PTPN3: variants seen among roughly 807,000 people sequenced by gnomAD.
PTPN3 encodes the protein protein tyrosine phosphatase non-receptor type 3, also known as tyrosine-protein phosphatase non-receptor type 3.
A neutral mutation model predicts 132.7 loss-of-function variants in PTPN3; 96 were observed. The observed-to-expected ratio is 0.72, with a 90% CI of 0.61 to 0.86. The LOEUF (loss-of-function observed/expected upper bound fraction) is 0.86, where lower values mean the gene tolerates loss of function less well. Among genes scored for constraint, PTPN3 ranks in the 40% least tolerant of loss-of-function variants. The pLI, the probability that PTPN3 is intolerant of heterozygous loss-of-function variation, is 0.00. For synonymous variants in PTPN3, 398 were observed against 429.0 expected, an observed-to-expected ratio of 0.93 and a Z score of 0.89; for missense variants, 1,125 against 1,159.6, an observed-to-expected ratio of 0.97 and a Z score of 0.43.
chr9:109,526,483 G>T, the PTPN3 span, among the ~76,000 whole-genome samples: 11 of 151,928 alleles, frequency 7.2e-5, no homozygotes, highest in Admixed American at 7.2e-4. Context: ...GATCAGCCTG[G>T]GCAACAAAGT....
At chr9:109,414,133 C>G (rs969136450) in intron 14 of PTPN3, among the ~76,000 whole-genome samples, 1 of 152,140 alleles carries the variant, frequency 6.6e-6, no homozygotes, top group African/African-American at 2.4e-5. Flanking sequence ...GGCAAGGTAC[C>G]AAGAGGATCA....
chr9:109,383,605 G>A, intron 22 of PTPN3, 54 bp from the exon 23 acceptor site: 1 of 1,599,464 alleles, frequency 6.3e-7, no homozygotes, highest in South Asian at 1.1e-5. Flanking sequence ...GTTCCTGCAA[G>A]CAGTTAACCC....
the PTPN3 span, among the ~76,000 whole-genome samples, chr9:109,509,955 C>T: frequency 2.0e-5 from 3 of 152,274 alleles, no homozygotes; most frequent in East Asian, 3.9e-4. Flanking sequence ...AAACGTAACC[C>T]AGCCCGGCTC....
intron 1 of PTPN3, among the ~76,000 whole-genome samples, chr9:109,474,254 T>TC (rs761428176): frequency 8.5e-5 from 13 of 152,156 alleles, no homozygotes; most frequent in Non-Finnish European, 1.6e-4. Flanking sequence ...AGACAAGCTG[T>TC]CCCCACGACA....
At chr9:109,532,839 C>G in the PTPN3 span, 1 of 1,051,084 alleles carries the variant, frequency 9.5e-7, no homozygotes, top group South Asian at 2.8e-5. Context: ...TTTACTCAGC[C>G]CCGCCCTGCT....
the PTPN3 span, among the ~76,000 whole-genome samples, chr9:109,515,097 A>G: frequency 4.6e-5 from 7 of 151,842 alleles, no homozygotes; most frequent in African/African-American, 1.7e-4. Context: ...GTCACTGCTC[A>G]CTGCAGCCTC....
At chr9:109,443,049 A>G (rs1253942151) in intron 7 of PTPN3, among the ~76,000 whole-genome samples, 2 of 151,746 alleles carry the variant, frequency 1.3e-5, no homozygotes, top group Non-Finnish European at 2.9e-5. Context: ...AGGCAATCCC[A>G]CATAACTGGC....
chr9:109,527,407 G>A, the PTPN3 span, among the ~76,000 whole-genome samples: 1 of 152,228 alleles, frequency 6.6e-6, no homozygotes, highest in Non-Finnish European at 1.5e-5. Flanking sequence ...GTTGCAGGGA[G>A]CAGAGATTGT....
At chr9:109,474,045 CA>C (rs927517819) in intron 1 of PTPN3, among the ~76,000 whole-genome samples, 5 of 151,950 alleles carry the variant, frequency 3.3e-5, no homozygotes, top group Admixed American at 2.0e-4. Flanking sequence ...GGGTGGGTTG[CA>C]AAGAAATAAG....
intron 7 of PTPN3, among the ~76,000 whole-genome samples, chr9:109,441,973 G>A (rs893014727): frequency 3.3e-5 from 5 of 152,144 alleles, no homozygotes; most frequent in African/African-American, 4.8e-5. Flanking sequence ...TATATCAGAT[G>A]CCCCTCTTGG....
chr9:109,426,900 T>A lies in PTPN3; in HGVS notation c.1001+50A>T, dbSNP rs1227129239. 3 of 1,525,132 alleles carry A rather than the reference T, an allele frequency of 2.0e-6. No individual in the cohort carries two copies. In the African/African-American group the frequency reaches 4.1e-5, roughly 21 times the overall value. 94.5% of individuals were successfully genotyped at this position (1,525,132 alleles called of 1,614,324 possible). A position where few individuals can be genotyped will look rare whatever the true frequency, so the allele number is the denominator to read the frequency against. On this transcript the variant is annotated intron_variant, in intron 12 of 25. Transcript: ENST00000374541. The stretch of plus-strand genomic sequence containing the variant: ...GTCCTCTATTCACTGATGACCAGGA[T>A]GCATTTACATCTCAGCCTAGTGTGG...
intron 20 of PTPN3, 111 bp downstream of exon 20, chr9:109,391,360 G>T: frequency 7.7e-7 from 1 of 1,298,822 alleles, no homozygotes; most frequent in Non-Finnish European, 1.1e-6. Context: ...TAAAGACGGT[G>T]GTGTTTACAG....
rs564462832 is a variant in PTPN3, at chr9:109,404,484, C to T, written c.1917G>A (p.Lys639=). 3 of 1,535,264 alleles carry T rather than the reference C, an allele frequency of 2.0e-6. No individual in the cohort carries two copies. The highest frequency in any genetic ancestry group is 1.3e-5 in the South Asian group (1 of 77,282). The change falls in exon 19 of 26, where the codon AAG becomes AAA. Residue 639 remains lysine (K), a synonymous_variant. Coordinates refer to ENST00000374541, the MANE Select transcript of PTPN3 (RefSeq NM_002829.4). ...TLEGSMAQLK[K]GLESGTVLIQ... Reference sequence around the variant, plus strand: ...TCAGCACCGTCCCGCTTTCGAGGCCCTTCTTTAGCTGTGCCATGGATCCCT... The same window carrying T: ...TCAGCACCGTCCCGCTTTCGAGGCCTTTCTTTAGCTGTGCCATGGATCCCT...
intron 10 of PTPN3, among the ~76,000 whole-genome samples, chr9:109,432,059 T>C (rs1843697949): frequency 6.7e-6 from 1 of 148,702 alleles, no homozygotes; most frequent in Non-Finnish European, 1.5e-5. Flanking sequence ...TTATATAATA[T>C]AGGGTATATT....
the PTPN3 span, among the ~76,000 whole-genome samples, chr9:109,503,484 C>A: frequency 1.3e-5 from 2 of 152,156 alleles, no homozygotes; most frequent in African/African-American, 4.8e-5. Flanking sequence ...GCAGGCAGAT[C>A]ACCTGAGGTC....
intron 22 of PTPN3, among the ~76,000 whole-genome samples, chr9:109,387,976 T>C (rs929704348): frequency 6.6e-6 from 1 of 152,186 alleles, no homozygotes; most frequent in Non-Finnish European, 1.5e-5. Flanking sequence ...GCTGGGGATA[T>C]GAGGCTTCAA....
the PTPN3 span, among the ~76,000 whole-genome samples, chr9:109,518,553 C>T: frequency 5.6e-3 from 852 of 152,270 alleles, 2 homozygotes; most frequent in Non-Finnish European, 9.5e-3. Flanking sequence ...TCCCAATCAC[C>T]GTAATTAAGG....
the PTPN3 span, among the ~76,000 whole-genome samples, chr9:109,525,536 C>T: frequency 4.7e-4 from 72 of 152,280 alleles, no homozygotes; most frequent in African/African-American, 1.4e-3. Flanking sequence ...AAGAGCTGGG[C>T]CCAGGGAGTG....
intron 1 of PTPN3, among the ~76,000 whole-genome samples, chr9:109,474,315 G>A (rs1305054218): frequency 1.3e-5 from 2 of 152,150 alleles, no homozygotes; most frequent in Non-Finnish European, 2.9e-5. Flanking sequence ...TGTCAATCTT[G>A]TTTACAATTA....
Sources: gnomAD v4.1 joint callset for allele counts (sites outside exome capture counted in the v4.1 genomes callset) on GRCh38, gnomAD v4.1.1 for gene constraint, MANE v1.5 for transcripts, NCBI Gene and HGNC (gene_info 2026-07-23, HGNC 2026-07-21) for gene names.